Variants in RNLS observed in about 807,000 individuals in gnomAD.
RNLS encodes the protein renalase.
A neutral mutation model predicts 39.8 loss-of-function variants in RNLS; 39 were observed. The ratio of observed to expected loss-of-function variants is 0.98; its 90% CI spans 0.76 to 1.28. RNLS has a LOEUF of 1.28. RNLS is among the 50% of genes most tolerant of loss of function. RNLS has a pLI of 0.00. For missense variants in RNLS, 410 were observed against 413.3 expected, an observed-to-expected ratio of 0.99 and a Z score of 0.07; for synonymous variants, 147 against 150.7, an observed-to-expected ratio of 0.98 and a Z score of 0.18.
At chr10:88,548,427 G>A (rs1405950694) in intron 4 of RNLS, among the ~76,000 whole-genome samples, 5 of 149,356 alleles carry the variant, frequency 3.3e-5, no homozygotes, top group Non-Finnish European at 7.4e-5. Flanking sequence ...ATCACTTGAG[G>A]TCAGGAGTTC....
the RNLS span, among the ~76,000 whole-genome samples, chr10:88,183,564 G>C: frequency 5.9e-5 from 9 of 152,152 alleles, no homozygotes; most frequent in South Asian, 1.7e-3. Context: ...GATTTCTCAT[G>C]TTTTACAGAA....
At chr10:88,438,894 T>C (rs1841557035) in intron 4 of RNLS, among the ~76,000 whole-genome samples, 1 of 152,076 alleles carries the variant, frequency 6.6e-6, no homozygotes, top group Non-Finnish European at 1.5e-5. Context: ...TAAATTCCCT[T>C]TTGCTTAGGT....
At chr10:88,391,483 A>G (rs1406969796) in intron 4 of RNLS, among the ~76,000 whole-genome samples, 4 of 152,118 alleles carry the variant, frequency 2.6e-5, no homozygotes, top group African/African-American at 9.7e-5. Flanking sequence ...GCTTGAACCC[A>G]GGAGGTGGAG....
At chr10:88,381,561 T>C (rs1330343271) in intron 4 of RNLS, among the ~76,000 whole-genome samples, 1 of 151,986 alleles carries the variant, frequency 6.6e-6, no homozygotes, top group Non-Finnish European at 1.5e-5. Context: ...TTAGTGATAA[T>C]AGGCTTTCAG....
the RNLS span, among the ~76,000 whole-genome samples, chr10:88,244,700 T>C: frequency 4.8e-4 from 73 of 151,674 alleles, no homozygotes; most frequent in South Asian, 2.7e-3. Context: ...GCTTTTTTTT[T>C]TTTCTTTCTT....
intron 4 of RNLS, among the ~76,000 whole-genome samples, chr10:88,389,086 A>G (rs1004112782): frequency 2.0e-5 from 3 of 152,112 alleles, no homozygotes; most frequent in African/African-American, 7.2e-5. Flanking sequence ...TGAGTTCTGG[A>G]AAAGGGAATC....
chr10:88,355,380 A>G (rs1429146354), intron 5 of RNLS, among the ~76,000 whole-genome samples: 1 of 152,168 alleles, frequency 6.6e-6, no homozygotes, highest in East Asian at 1.9e-4. Flanking sequence ...GCTGACGTAC[A>G]GATGGGGTTT....
At chr10:88,470,011 C>A (rs1386666417) in intron 4 of RNLS, among the ~76,000 whole-genome samples, 1 of 151,614 alleles carries the variant, frequency 6.6e-6, no homozygotes, top group African/African-American at 2.4e-5. Flanking sequence ...ATAAGTGAAA[C>A]AACCCAAGTA....
At chr10:88,270,653 G>T (rs1188012624), downstream of RNLS, among the ~76,000 whole-genome samples, 1 of 152,140 alleles carries the variant, frequency 6.6e-6, no homozygotes, top group Non-Finnish European at 1.5e-5. Flanking sequence ...CATAATGTTT[G>T]CCTGTTTGAA....
At chr10:88,221,911 T>A in the RNLS span, among the ~76,000 whole-genome samples, 1 of 152,070 alleles carries the variant, frequency 6.6e-6, no homozygotes, top group Non-Finnish European at 1.5e-5. Flanking sequence ...AGTAGACACA[T>A]GAAATGAAAT....
chr10:88,525,395 G>C (rs1847051902), intron 4 of RNLS, among the ~76,000 whole-genome samples: 1 of 152,048 alleles, frequency 6.6e-6, no homozygotes, highest in African/African-American at 2.4e-5. Context: ...AATGCAGAAG[G>C]CCATTCAATG....
chr10:88,235,014 C>G, the RNLS span, among the ~76,000 whole-genome samples: 1 of 151,916 alleles, frequency 6.6e-6, no homozygotes, highest in African/African-American at 2.4e-5. Flanking sequence ...GTAATCCCAG[C>G]ACTTTGGGAG....
At chr10:88,519,306 G>T (rs1589943670) in intron 4 of RNLS, among the ~76,000 whole-genome samples, 1 of 151,928 alleles carries the variant, frequency 6.6e-6, no homozygotes, top group East Asian at 1.9e-4. Flanking sequence ...TTGTATAAAA[G>T]GGTTTCATAT....
intron 4 of RNLS, among the ~76,000 whole-genome samples, chr10:88,476,197 T>C (rs1843815417): frequency 1.3e-5 from 2 of 152,210 alleles, no homozygotes; most frequent in Admixed American, 6.6e-5. Context: ...CAAATTAATA[T>C]GTTGAAGAAA....
At chr10:88,504,127 T>C (rs1171933592) in intron 4 of RNLS, among the ~76,000 whole-genome samples, 1 of 152,124 alleles carries the variant, frequency 6.6e-6, no homozygotes, top group African/African-American at 2.4e-5. Context: ...AACTGGCCCA[T>C]AGCTTCATTT....
rs1269636080 is a variant in RNLS, at chr10:88,354,908, TG to T, written c.700+7643del. On this transcript the variant is annotated intron_variant, in intron 5 of 6. Transcript: ENST00000331772. Reference sequence around the variant, plus strand: ...TCCTATATTTCTTGGAGGCTTTGTTTGTTTCTATTTATTCTTTTTTCTCTAA... The same window carrying T: ...TCCTATATTTCTTGGAGGCTTTGTTTTTTCTATTTATTCTTTTTTCTCTAA... Among the ~76,000 whole-genome samples, 20 of 152,298 alleles carry T rather than the reference TG, an allele frequency of 1.3e-4. No individual in the cohort carries two copies. The East Asian group carries it at 3.7e-3, about 28-fold the overall frequency.
Position 88,285,223 on chromosome 10 carries a change from T to C in RNLS, c.*131A>G. On this transcript the variant is annotated 3_prime_UTR_variant, in exon 7 of 7. Transcript: ENST00000331772. ...TACAAAATTGATTTTATACTCCACA[T>C]GAAAAATGATAATAAGTGAAGAACA... 7.2e-7 allele frequency: 1 copy of C among 1,383,512 alleles called. No homozygotes were observed. Among genetic ancestry groups the C allele is most frequent in the African/African-American group, 1.5e-5 (1 of 68,376 alleles). The allele number at this position is 1,383,512 out of a possible 1,614,324, so 85.7% of individuals were successfully genotyped here.
intron 4 of RNLS, among the ~76,000 whole-genome samples, chr10:88,412,737 T>C (rs985751572): frequency 5.9e-5 from 9 of 152,112 alleles, no homozygotes; most frequent in Admixed American, 5.2e-4. Context: ...TTAGCAATAA[T>C]AAAAATAAAG....
chr10:88,529,857 C>T (rs1847314318), intron 4 of RNLS, among the ~76,000 whole-genome samples: 1 of 152,144 alleles, frequency 6.6e-6, no homozygotes, highest in South Asian at 2.1e-4. Context: ...CTGAAGTCCT[C>T]TGAAATCACT....
Sources: allele counts gnomAD v4.1 joint callset (sites outside exome capture counted in the v4.1 genomes callset), GRCh38; gene constraint gnomAD v4.1.1; transcripts MANE v1.5; gene names NCBI Gene and HGNC (gene_info 2026-07-23, HGNC 2026-07-21).